Variants in TEX36 observed in about 807,000 individuals in gnomAD.
The protein encoded by TEX36 is testis-expressed protein 36.
In TEX36, 12 loss-of-function variants were observed where a neutral mutation model predicts 13.6. The ratio of observed to expected loss-of-function variants is 0.88; its 90% CI spans 0.56 to 1.43. The LOEUF (loss-of-function observed/expected upper bound fraction) is 1.43. TEX36 is among the 40% of genes most tolerant of loss of function. TEX36 has a pLI of 0.00. For missense variants in TEX36, 224 were observed against 228.3 expected (o/e 0.98, Z 0.12); for synonymous variants, 93 against 83.0 (o/e 1.12, Z -0.65).
intron 3 of TEX36, among the ~76,000 whole-genome samples, chr10:125,626,877 C>A (rs1203487398): frequency 6.6e-6 from 1 of 152,176 alleles, no homozygotes; most frequent in Non-Finnish European, 1.5e-5. Context: ...CGTCTAATGG[C>A]CTTGCACTTC....
At chr10:125,643,524 A>ATT (rs1846721143) in intron 3 of TEX36, among the ~76,000 whole-genome samples, 2 of 152,152 alleles carry the variant, frequency 1.3e-5, no homozygotes, top group Non-Finnish European at 2.9e-5. Context: ...AGGGCGGATC[A>ATT]CGAGGTCAGG....
downstream of TEX36, among the ~76,000 whole-genome samples, chr10:125,620,582 C>G (rs920772686): frequency 1.1e-4 from 17 of 152,202 alleles, no homozygotes; most frequent in Admixed American, 4.6e-4. Context: ...GAGCCAGTGA[C>G]AGTTGCTGCC....
At chr10:125,611,626 C>T (rs1251086482) in intron 3 of TEX36, among the ~76,000 whole-genome samples, 1 of 151,320 alleles carries the variant, frequency 6.6e-6, no homozygotes, top group Non-Finnish European at 1.5e-5. Flanking sequence ...TAACTCTTGC[C>T]TAGGCTTATT....
At chr10:125,586,776 A>G (rs972150239) in intron 3 of TEX36, among the ~76,000 whole-genome samples, 2 of 151,686 alleles carry the variant, frequency 1.3e-5, no homozygotes, top group Non-Finnish European at 2.9e-5. Context: ...GGGCTCCAAA[A>G]TGAGACCCTG....
At chr10:125,618,271 C>A (rs1408579726), downstream of TEX36, among the ~76,000 whole-genome samples, 2 of 152,188 alleles carry the variant, frequency 1.3e-5, no homozygotes, top group South Asian at 4.1e-4. Context: ...TCGTCTGAAG[C>A]CTTCTTCTCT....
intron 3 of TEX36, among the ~76,000 whole-genome samples, chr10:125,630,605 G>A (rs1846540431): frequency 6.6e-6 from 1 of 152,156 alleles, no homozygotes; most frequent in South Asian, 2.1e-4. Flanking sequence ...AGTATGGGAG[G>A]GGACTGCCTA....
chr10:125,604,129 G>A, intron 3 of TEX36, among the ~76,000 whole-genome samples: 1 of 152,116 alleles, frequency 6.6e-6, no homozygotes, highest in East Asian at 1.9e-4. Flanking sequence ...AATGTGACCA[G>A]AGCCAGGAGA....
At chr10:125,654,132 A>G (rs892464658), downstream of TEX36, among the ~76,000 whole-genome samples, 5 of 152,282 alleles carry the variant, frequency 3.3e-5, no homozygotes, top group Admixed American at 6.5e-5. Context: ...CCATTTAGAA[A>G]AATCGAGAAG....
chr10:125,636,372 A>ATTT (rs1173411320), intron 3 of TEX36, among the ~76,000 whole-genome samples: 6 of 142,656 alleles, frequency 4.2e-5, no homozygotes, highest in African/African-American at 1.0e-4. Context: ...CACCCGGCTA[A>ATTT]TTTTTTTTTT....
chr10:125,625,324 C>T lies in TEX36; in HGVS notation c.265-3679G>A, dbSNP rs925499237. ...GAACTGAAAATAGTTTAGCACCCCC[C>T]ACCAAATCCACAAATTTTACTTTGT... On this transcript the variant is annotated intron_variant, in intron 3 of 3. Transcript: ENST00000526819. Among the ~76,000 whole-genome samples, 4 of 152,196 alleles carry T rather than the reference C, an allele frequency of 2.6e-5. No individual in the cohort carries two copies. In the East Asian group the frequency reaches 7.7e-4, roughly 29 times the overall value.
intron 3 of TEX36, among the ~76,000 whole-genome samples, chr10:125,624,340 G>T (rs1186276636): frequency 6.6e-6 from 1 of 152,210 alleles, no homozygotes; most frequent in Non-Finnish European, 1.5e-5. Flanking sequence ...CTCCACACAG[G>T]TTGAGTGTTG....
At chr10:125,619,121 C>T (rs1846396803), downstream of TEX36, among the ~76,000 whole-genome samples, 1 of 151,240 alleles carries the variant, frequency 6.6e-6, no homozygotes, top group Non-Finnish European at 1.5e-5. Flanking sequence ...AAGTGCGAGA[C>T]TCCATCTCAA....
At chr10:125,595,662 G>A (rs761469875) in intron 3 of TEX36, among the ~76,000 whole-genome samples, 31 of 152,118 alleles carry the variant, frequency 2.0e-4, no homozygotes, top group Non-Finnish European at 4.1e-4. Context: ...CTGCCTCAGG[G>A]CCTTTGCACT....
chr10:125,588,815 C>A (rs1419733909), intron 3 of TEX36, among the ~76,000 whole-genome samples: 1 of 152,178 alleles, frequency 6.6e-6, no homozygotes, highest in African/African-American at 2.4e-5. Context: ...GGAGTTTCAC[C>A]ATGTTGGCCA....
At chr10:125,619,769 C>G (rs61873475), downstream of TEX36, among the ~76,000 whole-genome samples, 7,506 of 151,942 alleles carry the variant, frequency 0.049, 209 homozygotes, top group East Asian at 0.084. Flanking sequence ...ATTGGCCAGG[C>G]TGGTCTTGAA....
chr10:125,589,864 A>G (rs996451234), intron 3 of TEX36, among the ~76,000 whole-genome samples: 1 of 152,228 alleles, frequency 6.6e-6, no homozygotes, highest in Non-Finnish European at 1.5e-5. Context: ...AATATGATTC[A>G]GTGTACGCTC....
In TEX36 at chr10:125,656,005, G is replaced by A. The variant is rs541468585; in HGVS notation, c.456C>T (p.Asn152=). The change falls in exon 4 of 4, where the codon AAC becomes AAT. Residue 152 remains asparagine (N), a synonymous_variant. Transcript: ENST00000368821. ...RFPRCYKEIW[N]AFTFLPERSY... The stretch of plus-strand genomic sequence containing the variant: ...TTCTCTCAGGAAGAAATGTAAAAGC[G>A]TTCCATATCTCTTTATAGCATCGTG... 4.4e-5 allele frequency: 69 copies of A among 1,551,650 alleles called. No homozygotes were observed. Among genetic ancestry groups the A allele is most frequent in the African/African-American group, 1.2e-4 (9 of 73,006 alleles).
Position 125,655,928 on chromosome 10 carries a change from T to C in TEX36, c.533A>G (p.Lys178Arg). The C allele has an allele frequency of 3.3e-6, 5 of 1,534,266 alleles. No individual in the cohort carries two copies. The highest frequency in any genetic ancestry group is 4.4e-6 in the Non-Finnish European group (5 of 1,139,136). Residue 178 changes from lysine (K) to arginine (R), a missense_variant, in exon 4 of 4, where the codon AAA becomes AGA. By Grantham distance (26) the Lys-to-Arg change is conservative. Coordinates refer to ENST00000368821, the MANE Select transcript of TEX36 (RefSeq NM_001128202.3). ...GGACTCCAGTGAAGAAACAACCTTT[T>C]TGTCAACAGTGAACCTTACTTTGGG... Reference protein sequence around the residue: ...KKPKVRFTVDKKVVSSLES With the variant: ...KKPKVRFTVDRKVVSSLES
At position 125,660,331 on chromosome 10, in the gene TEX36, C is replaced by T. The variant is rs1192216091; in HGVS notation, c.264+690G>A. ...GTAGACACGGGGTCTTACTATGTAG[C>T]CCAGGCTGGTCTCAAGCTCCTGACC... is the stretch of plus-strand genomic sequence containing the variant. On this transcript the variant is annotated intron_variant, in intron 3 of 3. Transcript: ENST00000368821. 2.0e-5 allele frequency among the ~76,000 whole-genome samples: 3 copies of T among 152,220 alleles called. No individual in the cohort carries two copies. In the East Asian group the frequency reaches 5.8e-4, roughly 29 times the overall value.
Sources: gnomAD v4.1 joint callset for allele counts (sites outside exome capture counted in the v4.1 genomes callset) on GRCh38, gnomAD v4.1.1 for gene constraint, MANE v1.5 for transcripts, NCBI Gene and HGNC (gene_info 2026-07-23, HGNC 2026-07-21) for gene names.